Variants in UGGT2 observed in about 807,000 individuals in gnomAD.
UGGT2 encodes the protein UDP-glucose glycoprotein glucosyltransferase 2.
UGGT2 carries 180 observed loss-of-function variants against 192.1 expected under a neutral mutation model. The ratio of observed to expected loss-of-function variants is 0.94; its 90% CI spans 0.83 to 1.06. The LOEUF (loss-of-function observed/expected upper bound fraction) is 1.06. Ranked by LOEUF, UGGT2 falls within the 50% of genes least tolerant of loss-of-function variation. The probability of loss-of-function intolerance (pLI) is 0.00; values close to 1 mark genes in which losing one functional copy is unlikely to be tolerated. For synonymous variants in UGGT2, 580 were observed against 591.0 expected, an observed-to-expected ratio of 0.98 and a Z score of 0.27; for missense variants, 1,849 against 1,795.7, an observed-to-expected ratio of 1.03 and a Z score of -0.54.
intron 23 of UGGT2, 139 bp downstream of exon 23, chr13:95,895,041 T>C: frequency 2.3e-6 from 2 of 859,994 alleles, no homozygotes; most frequent in Non-Finnish European, 3.3e-6. Context: ...ATGCCTTTTA[T>C]TATTTGCTTA....
At position 95,830,610 on chromosome 13, in the gene UGGT2, A is replaced by G. The variant is rs147689585; in HGVS notation, c.4528+2317T>C. On this transcript the variant is annotated intron_variant, in intron 38 of 38. Coordinates refer to ENST00000376747, the MANE Select transcript of UGGT2 (RefSeq NM_020121.4). ...TCTCACACCAGTTAGAATGGCAATC[A>G]TTAAAAAGTCAGGAAACAACAGATG... is the stretch of plus-strand genomic sequence containing the variant. 4.5e-4 allele frequency among the ~76,000 whole-genome samples: 68 copies of G among 152,360 alleles called. 1 individual carries two copies. The East Asian group carries it at 0.012, about 27-fold the overall frequency.
chr13:96,037,757 T>C (rs1354759508), intron 1 of UGGT2, among the ~76,000 whole-genome samples: 2 of 152,214 alleles, frequency 1.3e-5, no homozygotes, highest in Non-Finnish European at 2.9e-5. Flanking sequence ...TTCAACCTAT[T>C]CAATGCTCTT....
chr13:95,836,693 G>A (rs1047574092), intron 37 of UGGT2, among the ~76,000 whole-genome samples: 1 of 152,154 alleles, frequency 6.6e-6, no homozygotes, highest in Non-Finnish European at 1.5e-5. Context: ...CACTGGTTGT[G>A]GAATCTCTTA....
intron 38 of UGGT2, among the ~76,000 whole-genome samples, chr13:95,827,782 A>G (rs1038007043): frequency 2.6e-5 from 4 of 152,160 alleles, no homozygotes; most frequent in African/African-American, 9.7e-5. Flanking sequence ...TTAGCACTAG[A>G]TACTGACCAT....
At chr13:95,855,192 G>A (rs768235575) in intron 34 of UGGT2, among the ~76,000 whole-genome samples, 2 of 151,298 alleles carry the variant, frequency 1.3e-5, no homozygotes, top group African/African-American at 4.8e-5. Context: ...ATGCTGAGGT[G>A]GGAGGATGGC....
chr13:95,988,582 C>G (rs185968031), intron 8 of UGGT2, among the ~76,000 whole-genome samples: 3 of 152,186 alleles, frequency 2.0e-5, no homozygotes, highest in Admixed American at 6.5e-5. Flanking sequence ...TACAGTAAAT[C>G]TATCATAACA....
chr13:95,860,533 T>C (rs928125421), intron 32 of UGGT2, among the ~76,000 whole-genome samples: 5 of 149,802 alleles, frequency 3.3e-5, no homozygotes, highest in South Asian at 2.1e-4. Flanking sequence ...CTTTACTATT[T>C]GGGTAAAAGG....
In UGGT2 at chr13:96,053,181, G is replaced by A. The variant is rs574795471; in HGVS notation, c.132C>T (p.Pro44=). 5.9e-6 allele frequency: 9 copies of A among 1,520,130 alleles called. No homozygotes were observed. In the South Asian group the frequency reaches 1.1e-4, roughly 19 times the overall value. 94.2% of individuals were successfully genotyped at this position (1,520,130 alleles called of 1,614,324 possible). ...SVTAHLAAKW[P]ETPLLLEASE... is the part of the protein sequence containing the mutation. Reference sequence around the variant, plus strand: ...TTGCCTCCAGCAGCAGCGGGGTCTCGGGCCACTTCGCGGCCAAGTGGGCAG... The same window carrying A: ...TTGCCTCCAGCAGCAGCGGGGTCTCAGGCCACTTCGCGGCCAAGTGGGCAG... The change falls in exon 1 of 39, where the codon CCC becomes CCT. Residue 44 remains proline (P), a synonymous_variant. Coordinates refer to ENST00000376747, the MANE Select transcript of UGGT2 (RefSeq NM_020121.4).
intron 30 of UGGT2, among the ~76,000 whole-genome samples, chr13:95,866,943 G>C (rs1355668628): frequency 2.0e-5 from 3 of 151,948 alleles, no homozygotes; most frequent in African/African-American, 7.2e-5. Flanking sequence ...GTTTTAAGCA[G>C]GAGGGTTGGT....
At chr13:95,893,322 T>C (rs535402652) in intron 24 of UGGT2, among the ~76,000 whole-genome samples, 2 of 152,174 alleles carry the variant, frequency 1.3e-5, no homozygotes, top group Non-Finnish European at 2.9e-5. Flanking sequence ...ATGGCAAAGA[T>C]ATAATACTGT....
intron 27 of UGGT2, among the ~76,000 whole-genome samples, chr13:95,884,078 A>AG: frequency 6.7e-6 from 1 of 148,270 alleles, no homozygotes; most frequent in South Asian, 2.1e-4. Context: ...AAAAAAAAAA[A>AG]AAAAAAAACC....
intron 12 of UGGT2, among the ~76,000 whole-genome samples, chr13:95,958,889 A>G (rs1210344791): frequency 1.3e-5 from 2 of 152,028 alleles, no homozygotes; most frequent in African/African-American, 4.8e-5. Context: ...TCCACTACGG[A>G]CTCCTACCAA....
At chr13:95,882,299 T>G (rs1003932031) in intron 27 of UGGT2, among the ~76,000 whole-genome samples, 3 of 152,200 alleles carry the variant, frequency 2.0e-5, no homozygotes, top group African/African-American at 7.2e-5. Flanking sequence ...GTGAACAAAG[T>G]CCTGCCAAGG....
At chr13:95,812,753 C>T (rs1459983679) in intron 38 of UGGT2, among the ~76,000 whole-genome samples, 4 of 151,708 alleles carry the variant, frequency 2.6e-5, no homozygotes, top group African/African-American at 9.7e-5. Flanking sequence ...TATACTGTAC[C>T]CACCTTACTC....
chr13:95,884,084 A>AAAAAAAAC lies in UGGT2; in HGVS notation c.3228+406_3228+407insGTTTTTTT, dbSNP rs760204523. On this transcript the variant is annotated intron_variant, in intron 27 of 38. Transcript: ENST00000376747. ...TGAGGCCAAAAAAAAAAAAAAAAAA[A>AAAAAAAAC]AACCAACAACAACAAAACAATTTTG... is the stretch of plus-strand genomic sequence containing the variant. Among the ~76,000 whole-genome samples, 226 of 132,018 alleles carry AAAAAAAAC rather than the reference A, an allele frequency of 1.7e-3. 6 individuals carry two copies. The highest frequency in any genetic ancestry group is 4.3e-3 in the Middle Eastern group (1 of 234). 86.6% of individuals were successfully genotyped at this position (132,018 alleles called of 152,430 possible).
intron 15 of UGGT2, among the ~76,000 whole-genome samples, chr13:95,942,325 T>C (rs1594396080): frequency 1.3e-5 from 2 of 151,308 alleles, no homozygotes; most frequent in South Asian, 2.1e-4. Flanking sequence ...TATTATCAGA[T>C]TGTTTTTCAG....
At chr13:95,843,318 T>C (rs192759382) in intron 36 of UGGT2, among the ~76,000 whole-genome samples, 50 of 152,350 alleles carry the variant, frequency 3.3e-4, no homozygotes, top group Middle Eastern at 3.4e-3. Flanking sequence ...ACCATTCTAA[T>C]TGGTGTGTAT....
chr13:95,932,245 T>G (rs2049306092), intron 17 of UGGT2, among the ~76,000 whole-genome samples: 1 of 152,024 alleles, frequency 6.6e-6, no homozygotes, highest in African/African-American at 2.4e-5. Flanking sequence ...CTTTCAGCAG[T>G]GTTTAGTAAT....
chr13:95,994,105 T>C (rs1481779552), intron 7 of UGGT2, among the ~76,000 whole-genome samples: 34 of 152,146 alleles, frequency 2.2e-4, no homozygotes, highest in Admixed American at 2.2e-3. Flanking sequence ...AGGTCCAATA[T>C]TATCAATGAT....
Sources: gnomAD v4.1 joint callset for allele counts (sites outside exome capture counted in the v4.1 genomes callset) on GRCh38, gnomAD v4.1.1 for gene constraint, MANE v1.5 for transcripts, NCBI Gene and HGNC (gene_info 2026-07-23, HGNC 2026-07-21) for gene names.